PRCC: variants seen among roughly 807,000 people sequenced by gnomAD.
PRCC encodes the protein proline rich mitotic checkpoint control factor, also known as proline-rich protein PRCC.
PRCC carries 10 observed loss-of-function variants against 44.0 expected under a neutral mutation model. The ratio of observed to expected loss-of-function variants is 0.23; its 90% CI spans 0.14 to 0.39. The LOEUF is 0.39. PRCC is among the 10% of genes least tolerant of loss of function. The pLI is 1.00. For synonymous variants in PRCC, 278 were observed against 259.5 expected (o/e 1.07, Z -0.69); for missense variants, 573 against 624.7 (o/e 0.92, Z 0.88).
At chr1:156,786,282 C>T (rs535581184) in intron 2 of PRCC, among the ~76,000 whole-genome samples, 5 of 152,030 alleles carry the variant, frequency 3.3e-5, no homozygotes, top group South Asian at 2.1e-4. Context: ...GGAGGAAGGA[C>T]GATGTGAGGT....
At chr1:156,768,877 G>A (rs1651518746) in intron 1 of PRCC, among the ~76,000 whole-genome samples, 1 of 152,194 alleles carries the variant, frequency 6.6e-6, no homozygotes. Context: ...CCTGGTAACA[G>A]GGCAGAGTGA....
At chr1:156,799,638 T>A (rs765928550) in intron 6 of PRCC, among the ~76,000 whole-genome samples, 10 of 151,916 alleles carry the variant, frequency 6.6e-5, no homozygotes, top group Non-Finnish European at 1.3e-4. Context: ...GGGAAAGGAT[T>A]TGAGAGTAGG....
intron 4 of PRCC, among the ~76,000 whole-genome samples, chr1:156,792,439 T>G (rs1175417216): frequency 1.3e-5 from 2 of 151,690 alleles, no homozygotes; most frequent in African/African-American, 4.9e-5. Flanking sequence ...GTTGTTTGTG[T>G]TTTTTTTGTT....
chr1:156,795,148 T>G (rs1244976974), intron 5 of PRCC, among the ~76,000 whole-genome samples: 3 of 152,090 alleles, frequency 2.0e-5, no homozygotes, highest in African/African-American at 7.2e-5. Flanking sequence ...CTTCTTTCCT[T>G]TTTTTGATTT....
At chr1:156,773,843 A>G (rs1571572972) in intron 1 of PRCC, among the ~76,000 whole-genome samples, 2 of 152,370 alleles carry the variant, frequency 1.3e-5, no homozygotes, top group East Asian at 3.9e-4. Flanking sequence ...AAAGGTGGCA[A>G]CAACCCAAGT....
At chr1:156,770,238 A>G (rs968898243) in intron 1 of PRCC, among the ~76,000 whole-genome samples, 2 of 152,228 alleles carry the variant, frequency 1.3e-5, no homozygotes, top group Admixed American at 6.5e-5. Context: ...TAACATGGCT[A>G]ATTAAAGTCC....
intron 6 of PRCC, 25 bp downstream of exon 6, chr1:156,797,366 C>A (rs1420161588): frequency 6.2e-7 from 1 of 1,613,832 alleles, no homozygotes; most frequent in African/African-American, 1.3e-5. Context: ...AGGGCTCTGG[C>A]TCAGGCAGGA....
intron 4 of PRCC, 107 bp downstream of exon 4, chr1:156,791,899 T>C: frequency 2.9e-6 from 3 of 1,016,972 alleles, no homozygotes; most frequent in Non-Finnish European, 4.4e-6. Context: ...GACAAAACTG[T>C]ATCAGGATTA....
chr1:156,792,254 T>TA (rs1156677222), intron 4 of PRCC, among the ~76,000 whole-genome samples: 1 of 151,754 alleles, frequency 6.6e-6, no homozygotes, highest in African/African-American at 2.4e-5. Flanking sequence ...CCTTTATTCT[T>TA]ATGGTCCATG....
intron 1 of PRCC, among the ~76,000 whole-genome samples, chr1:156,778,581 CTTT>C (rs746389120): frequency 2.1e-4 from 27 of 130,040 alleles, no homozygotes; most frequent in Admixed American, 2.4e-4. Flanking sequence ...TATAGTAATT[CTTT>C]TTTTTTTTTT....
rs548754703 is a variant in PRCC, at chr1:156,798,419, G to A, written c.1389+1078G>A. Among the ~76,000 whole-genome samples the A allele has an allele frequency of 5.3e-4, 81 of 152,130 alleles. 3 individuals are homozygous for A. The South Asian group carries it at 0.016, about 29-fold the overall frequency. ...TCCTTATGCTAGATTCATTTATCTT[G>A]AAGTGGCAGGCAACTGCAGCTGCAG... On this transcript the variant is annotated intron_variant, in intron 6 of 6. Transcript: ENST00000271526.
rs1457115811 is a variant in PRCC, at chr1:156,788,695, C to T, written c.1083+1521C>T. On this transcript the variant is annotated intron_variant, in intron 3 of 6. Coordinates refer to ENST00000271526, the MANE Select transcript of PRCC (RefSeq NM_005973.5). ...TTTTTTTTTTTGAGATGGAGTCTCG[C>T]TCTGTCGCCCAGGCTGGAGTGCAAT... Among the ~76,000 whole-genome samples the T allele has an allele frequency of 2.2e-5, 3 of 138,430 alleles. No individual in the cohort carries two copies. In the East Asian group the frequency reaches 6.3e-4, roughly 29 times the overall value. 90.8% of individuals were successfully genotyped at this position (138,430 alleles called of 152,430 possible).
At chr1:156,793,294 T>C (rs1652553612) in intron 4 of PRCC, among the ~76,000 whole-genome samples, 1 of 152,202 alleles carries the variant, frequency 6.6e-6, no homozygotes, top group African/African-American at 2.4e-5. Context: ...AGTCAGTTTC[T>C]TCTAGGTAGA....
intron 1 of PRCC, among the ~76,000 whole-genome samples, chr1:156,777,386 G>A (rs1427389602): frequency 6.6e-6 from 1 of 152,150 alleles, no homozygotes; most frequent in African/African-American, 2.4e-5. Context: ...ACTTTGAAGT[G>A]TTATTATAAG....
At chr1:156,773,502 G>A (rs918806436) in intron 1 of PRCC, among the ~76,000 whole-genome samples, 3 of 152,174 alleles carry the variant, frequency 2.0e-5, no homozygotes, top group African/African-American at 7.2e-5. Flanking sequence ...AGACTCAACA[G>A]TTTGTGCCTC....
At chr1:156,787,285 T>C in intron 3 of PRCC, 111 bp downstream of exon 3, 1 of 1,213,258 alleles carries the variant, frequency 8.2e-7, no homozygotes, top group Non-Finnish European at 1.2e-6. Flanking sequence ...AAATTAACCT[T>C]CTCTATTTAT....
chr1:156,798,567 G>C (rs771841652), intron 6 of PRCC, among the ~76,000 whole-genome samples: 5 of 152,130 alleles, frequency 3.3e-5, no homozygotes, highest in Non-Finnish European at 5.9e-5. Context: ...ATGGTGTTAA[G>C]ATTTATGGGC....
Position 156,786,106 on chromosome 1 carries a change from C to T in PRCC, c.517-502C>T, listed in dbSNP as rs573391425. On this transcript the variant is annotated intron_variant, in intron 2 of 6. Transcript: ENST00000271526. The stretch of plus-strand genomic sequence containing the variant: ...ATTACAGGCGTGAGCCACCACTGCC[C>T]AGCCGGGAAGGGACTTTTGCAACAG... 2.7e-3 allele frequency among the ~76,000 whole-genome samples: 404 copies of T among 152,202 alleles called. 1 individual carries two copies. Among genetic ancestry groups the T allele is most frequent in the Non-Finnish European group, 4.6e-3 (315 of 67,994 alleles).
intron 1 of PRCC, 61 bp downstream of exon 1, chr1:156,768,300 G>GA: frequency 6.8e-7 from 1 of 1,479,022 alleles, no homozygotes; most frequent in Non-Finnish European, 9.1e-7. Context: ...CTGTAGGAGG[G>GA]ACATGTGGAG....
Sources: allele counts gnomAD v4.1 joint callset (sites outside exome capture counted in the v4.1 genomes callset), GRCh38; gene constraint gnomAD v4.1.1; transcripts MANE v1.5; gene names NCBI Gene and HGNC (gene_info 2026-07-23, HGNC 2026-07-21).